The following LRRTM4 variants were observed in gnomAD, a reference collection of about 807,000 sequenced individuals.
LRRTM4 encodes the protein leucine-rich repeat transmembrane neuronal protein 4.
LRRTM4 carries 25 observed loss-of-function variants against 47.6 expected under a neutral mutation model. The observed-to-expected ratio is 0.53, with a 90% CI of 0.38 to 0.73. The LOEUF is 0.73. Among genes scored for constraint, LRRTM4 ranks in the 30% least tolerant of loss-of-function variants. LRRTM4 has a pLI of 0.00. For synonymous variants in LRRTM4, 311 were observed against 269.5 expected (o/e 1.15, Z -1.51); for missense variants, 638 against 713.4 (o/e 0.89, Z 1.20).
chr2:77,508,518 C>A (rs141436084), intron 3 of LRRTM4, among the ~76,000 whole-genome samples: 22 of 152,250 alleles, frequency 1.4e-4, no homozygotes, highest in African/African-American at 5.1e-4. Flanking sequence ...CAAAGAAAAT[C>A]ATTTGTTTTC....
At chr2:76,820,375 A>G (rs886546599) in intron 3 of LRRTM4, among the ~76,000 whole-genome samples, 19 of 151,798 alleles carry the variant, frequency 1.3e-4, no homozygotes, top group Middle Eastern at 3.2e-3. Flanking sequence ...TCAAGGCTAG[A>G]TTAGGTCCTG....
intron 3 of LRRTM4, among the ~76,000 whole-genome samples, chr2:77,389,878 A>T (rs960384938): frequency 2.0e-5 from 3 of 152,008 alleles, no homozygotes; most frequent in Non-Finnish European, 2.9e-5. Flanking sequence ...AGGTTATGTG[A>T]ATCTAATGGA....
chr2:76,939,744 T>C (rs1675073265), intron 3 of LRRTM4, among the ~76,000 whole-genome samples: 1 of 152,174 alleles, frequency 6.6e-6, no homozygotes, highest in Non-Finnish European at 1.5e-5. Context: ...GCTCTAATTT[T>C]TAAGTGATAT....
At chr2:77,224,629 G>A (rs188148569) in intron 3 of LRRTM4, among the ~76,000 whole-genome samples, 9 of 152,124 alleles carry the variant, frequency 5.9e-5, no homozygotes, top group East Asian at 1.9e-4. Flanking sequence ...CATCACTGGC[G>A]GTCAGAGAAA....
At chr2:76,852,634 ATTAT>A (rs1215849340) in intron 3 of LRRTM4, among the ~76,000 whole-genome samples, 1 of 152,154 alleles carries the variant, frequency 6.6e-6, no homozygotes, top group Non-Finnish European at 1.5e-5. Flanking sequence ...ATTCATAATA[ATTAT>A]TTATTAATCT....
At position 77,260,702 on chromosome 2, in the gene LRRTM4, A is replaced by AT. The variant is rs71723846; in HGVS notation, c.1551+257615dup. Among the ~76,000 whole-genome samples, 5 of 152,008 alleles carry AT rather than the reference A, an allele frequency of 3.3e-5. No homozygotes were observed. In the East Asian group the frequency reaches 9.7e-4, roughly 29 times the overall value. ...GCAATAAATGCTGTCAAAACATAGC[A>AT]TTTTTCATAGGTGATTGGGCATTTA... On this transcript the variant is annotated intron_variant, in intron 3 of 3. Coordinates refer to ENST00000409884, the MANE Select transcript of LRRTM4 (RefSeq NM_001134745.3).
At chr2:76,820,897 C>T (rs911600376) in intron 3 of LRRTM4, among the ~76,000 whole-genome samples, 9 of 121,116 alleles carry the variant, frequency 7.4e-5, no homozygotes, top group Non-Finnish European at 1.2e-4. Flanking sequence ...TCATTTCACC[C>T]GTTCTCTGGA....
At chr2:77,358,568 C>A (rs879545820) in intron 3 of LRRTM4, among the ~76,000 whole-genome samples, 3 of 152,098 alleles carry the variant, frequency 2.0e-5, no homozygotes, top group Non-Finnish European at 2.9e-5. Flanking sequence ...GCCGCTTCAA[C>A]GCATAATTTT....
chr2:76,990,595 C>G (rs1484919077), intron 3 of LRRTM4, among the ~76,000 whole-genome samples: 1 of 151,624 alleles, frequency 6.6e-6, no homozygotes, highest in Admixed American at 6.6e-5. Flanking sequence ...AACAAGAAGA[C>G]TTAACCATCC....
intron 3 of LRRTM4, among the ~76,000 whole-genome samples, chr2:77,179,173 A>G (rs1673281371): frequency 6.6e-6 from 1 of 152,204 alleles, no homozygotes; most frequent in Non-Finnish European, 1.5e-5. Context: ...GCCCCAGTCA[A>G]TAAGTGGTAA....
chr2:76,936,471 G>A lies in LRRTM4; in HGVS notation c.1552-187555C>T, dbSNP rs555433898. ...GGTTAGGGGAGGGATAGCATTAGGA[G>A]AAATATCTAATGTAGATGACGGGTT... On this transcript the variant is annotated intron_variant, in intron 3 of 3. Coordinates refer to ENST00000409884, the MANE Select transcript of LRRTM4 (RefSeq NM_001134745.3). 1.6e-3 allele frequency among the ~76,000 whole-genome samples: 239 copies of A among 151,300 alleles called. 2 individuals are homozygous for A. Among genetic ancestry groups the A allele is most frequent in the African/African-American group, 5.6e-3 (229 of 41,216 alleles).
chr2:77,471,871 G>A (rs2103994291), intron 3 of LRRTM4, among the ~76,000 whole-genome samples: 1 of 152,258 alleles, frequency 6.6e-6, no homozygotes, highest in Admixed American at 6.5e-5. Flanking sequence ...CACATATACA[G>A]TTTATCTAAT....
chr2:77,325,054 G>A (rs1203476141), intron 3 of LRRTM4, among the ~76,000 whole-genome samples: 1 of 152,126 alleles, frequency 6.6e-6, no homozygotes, highest in African/African-American at 2.4e-5. Flanking sequence ...CTACTATTTA[G>A]TTGTTTGCTT....
At chr2:77,521,407 G>A (rs549777509) in intron 2 of LRRTM4, among the ~76,000 whole-genome samples, 5 of 151,858 alleles carry the variant, frequency 3.3e-5, no homozygotes, top group African/African-American at 4.8e-5. Flanking sequence ...CTGTGGATAC[G>A]CAGACAGTAG....
At chr2:76,820,854 C>A (rs1671032504) in intron 3 of LRRTM4, among the ~76,000 whole-genome samples, 1 of 151,754 alleles carries the variant, frequency 6.6e-6, no homozygotes, top group Non-Finnish European at 1.5e-5. Flanking sequence ...GCAAAAGTAG[C>A]TAGAAGCAGT....
At chr2:76,775,076 C>A (rs1673904931) in intron 3 of LRRTM4, among the ~76,000 whole-genome samples, 1 of 152,164 alleles carries the variant, frequency 6.6e-6, no homozygotes, top group Non-Finnish European at 1.5e-5. Context: ...CCTCCCCTGA[C>A]TTTTTGCATA....
chr2:77,068,680 G>A (rs1680043011), intron 3 of LRRTM4, among the ~76,000 whole-genome samples: 1 of 151,498 alleles, frequency 6.6e-6, no homozygotes, highest in African/African-American at 2.4e-5. Context: ...TCCAATGTGT[G>A]GATACACTAC....
intron 3 of LRRTM4, among the ~76,000 whole-genome samples, chr2:77,469,177 G>A (rs1199176143): frequency 6.6e-6 from 1 of 152,204 alleles, no homozygotes; most frequent in Admixed American, 6.5e-5. Flanking sequence ...ATTTACATTT[G>A]GGGAAAGCAG....
intron 3 of LRRTM4, among the ~76,000 whole-genome samples, chr2:77,284,376 G>T (rs1199243600): frequency 6.6e-6 from 1 of 152,016 alleles, no homozygotes; most frequent in Non-Finnish European, 1.5e-5. Flanking sequence ...AAACTGGCTG[G>T]TAATTACATT....
Sources: gnomAD v4.1 joint callset for allele counts (sites outside exome capture counted in the v4.1 genomes callset) on GRCh38, gnomAD v4.1.1 for gene constraint, MANE v1.5 for transcripts, NCBI Gene and HGNC (gene_info 2026-07-23, HGNC 2026-07-21) for gene names.